Variants in PLEKHA4 observed in about 807,000 individuals in gnomAD.
The protein encoded by PLEKHA4 is pleckstrin homology domain-containing family A member 4.
In PLEKHA4, 73 loss-of-function variants were observed where a neutral mutation model predicts 94.7. The observed-to-expected ratio is 0.77, with a 90% CI of 0.64 to 0.94. The LOEUF is 0.94. PLEKHA4 is among the 40% of genes least tolerant of loss of function. The pLI is 0.00. For missense variants in PLEKHA4, 1,049 were observed against 1,054.1 expected, an observed-to-expected ratio of 1.00 and a Z score of 0.07; for synonymous variants, 449 against 437.1, an observed-to-expected ratio of 1.03 and a Z score of -0.34.
At chr19:48,860,302 A>T (rs748868912) in intron 6 of PLEKHA4, 48 bp downstream of exon 6, 10 of 1,506,042 alleles carry the variant, frequency 6.6e-6, no homozygotes, top group Non-Finnish European at 8.3e-6. Context: ...GGATGACGAG[A>T]CTGACTCAGG....
At chr19:48,849,629 A>T (rs1330769900) in intron 13 of PLEKHA4, among the ~76,000 whole-genome samples, 1 of 152,168 alleles carries the variant, frequency 6.6e-6, no homozygotes, top group African/African-American at 2.4e-5. Context: ...TTTTAAAGAT[A>T]CATGATTTAG....
intron 9 of PLEKHA4, among the ~76,000 whole-genome samples, chr19:48,856,472 C>G (rs2036413954): frequency 6.6e-6 from 1 of 151,828 alleles, no homozygotes; most frequent in African/African-American, 2.4e-5. Context: ...GTAATCCCAG[C>G]ACTTTGGGAG....
chr19:48,859,527 G>C lies in PLEKHA4; in HGVS notation c.634C>G (p.Pro212Ala). ...RGRGRPRLLT[P>A]SPTTDLHSGL... The stretch of plus-strand genomic sequence containing the variant: ...GAGTGGAGGTCGGTTGTGGGGCTGG[G>C]AGTGAGCAGCCTGGGTCTACCACGA... The change falls in exon 7 of 20, where the codon CCC (proline) becomes GCC (alanine). Residue 212 changes from proline (P) to alanine (A), a missense_variant. Coordinates refer to ENST00000263265, the MANE Select transcript of PLEKHA4 (RefSeq NM_020904.3). The C allele has an allele frequency of 1.2e-6, 2 of 1,614,038 alleles. No individual in the cohort carries two copies. The highest frequency in any genetic ancestry group is 1.7e-6 in the Non-Finnish European group (2 of 1,180,028).
intron 9 of PLEKHA4, 86 bp from the exon 10 acceptor site, chr19:48,854,350 T>A: frequency 9.1e-7 from 1 of 1,097,318 alleles, no homozygotes; most frequent in Non-Finnish European, 1.4e-6. Context: ...CTGTCTCTAC[T>A]GATAGGTACT....
chr19:48,839,361 C>T, intron 17 of PLEKHA4, 98 bp from the exon 18 acceptor site: 1 of 703,368 alleles, frequency 1.4e-6, no homozygotes, highest in East Asian at 2.8e-5. Flanking sequence ...AATGAAATTG[C>T]CCAAAAACAC....
chr19:48,852,079 T>C (rs2036214592), intron 13 of PLEKHA4, 149 bp downstream of exon 13: 1 of 600,734 alleles, frequency 1.7e-6, no homozygotes, highest in Non-Finnish European at 3.0e-6. Flanking sequence ...TTAACTAAAA[T>C]AAGGGGCTTA....
At chr19:48,861,591 C>G in intron 4 of PLEKHA4, 29 bp downstream of exon 4, 1 of 1,613,554 alleles carries the variant, frequency 6.2e-7, no homozygotes, top group Non-Finnish European at 8.5e-7. Context: ...GGGGCCCTCC[C>G]ACCCCAAGCC....
chr19:48,863,452 C>T (rs1164822914), intron 3 of PLEKHA4, among the ~76,000 whole-genome samples: 4 of 115,722 alleles, frequency 3.5e-5, no homozygotes, highest in East Asian at 4.3e-4. Flanking sequence ...TTTTTTGAGA[C>T]GGAGTCTTCG....
chr19:48,847,071 T>C (rs1179256187), intron 14 of PLEKHA4, among the ~76,000 whole-genome samples: 3 of 152,068 alleles, frequency 2.0e-5, no homozygotes, highest in Admixed American at 6.6e-5. Flanking sequence ...TTTTTGATAT[T>C]AGGATTGAGT....
intron 8 of PLEKHA4, 73 bp from the exon 9 acceptor site, chr19:48,857,569 A>C: frequency 2.3e-6 from 2 of 855,510 alleles, no homozygotes; most frequent in Non-Finnish European, 3.8e-6. Flanking sequence ...GTTCTGTACT[A>C]AGAAAAATTC....
intron 16 of PLEKHA4, 21 bp from the exon 17 acceptor site, chr19:48,841,331 C>A: frequency 6.3e-7 from 1 of 1,584,660 alleles, no homozygotes; most frequent in Non-Finnish European, 8.6e-7. Flanking sequence ...GAGAAACGTC[C>A]CAAGACCCAA....
At chr19:48,857,916 A>T (rs191574410) in intron 8 of PLEKHA4, among the ~76,000 whole-genome samples, 3 of 151,564 alleles carry the variant, frequency 2.0e-5, no homozygotes, top group South Asian at 4.2e-4. Flanking sequence ...ATCAATAAAA[A>T]AATAATAATA....
chr19:48,852,457 C>A (rs1331954658), intron 12 of PLEKHA4, 131 bp from the exon 13 acceptor site: 3 of 664,372 alleles, frequency 4.5e-6, no homozygotes, highest in Non-Finnish European at 7.9e-6. Context: ...GTATGGACTA[C>A]AATTCCCATG....
rs1334736054 is a variant in PLEKHA4, at chr19:48,838,077, C to G, written c.2017G>C (p.Val673Leu). 6.2e-7 allele frequency: 1 copy of G among 1,613,582 alleles called. No homozygotes were observed. Among genetic ancestry groups the G allele is most frequent in the East Asian group, 2.2e-5 (1 of 44,836 alleles). The change falls in exon 19 of 20, where the codon GTT (valine) becomes CTT (leucine). Residue 673 changes from valine (V) to leucine (L), a missense_variant. By Grantham distance (32) the Val-to-Leu change is conservative. Transcript: ENST00000263265. ...LPTSEGHRER[V>L]LSLSQALATE... is the part of the protein sequence containing the mutation. ...GCCAGGGCTTGGGAGAGGCTGAGAA[C>G]CCGCTCCCGGTGACCTTCGGAAGTC...
At chr19:48,858,640 A>AAAAAAAAAAAAAAAAAAAAAAAAAAC (rs2036516145) in intron 8 of PLEKHA4, among the ~76,000 whole-genome samples, 2 of 150,700 alleles carry the variant, frequency 1.3e-5, no homozygotes, top group African/African-American at 4.9e-5. Context: ...AAAAAAAAAA[A>AAAAAAAAAAAAAAAAAAAAAAAAAAC]AAAAGCAATG....
chr19:48,860,874 AAAAGGAAAGGAAAGGAAAGGAAAATGG>A (rs1347174675), intron 5 of PLEKHA4, among the ~76,000 whole-genome samples: 2 of 149,178 alleles, frequency 1.3e-5, no homozygotes, highest in African/African-American at 2.4e-5. Flanking sequence ...AAGGAAAGGA[AAAAGGAAAGGAAAGGAAAGGAAAATGG>A]AAAGGAAAGG....
intron 12 of PLEKHA4, among the ~76,000 whole-genome samples, chr19:48,853,232 T>C (rs577560733): frequency 6.6e-6 from 1 of 152,222 alleles, no homozygotes; most frequent in East Asian, 1.9e-4. Flanking sequence ...CATATAATAA[T>C]TCTCAGAGTT....
Position 48,852,272 on chromosome 19 carries a change from A to C in PLEKHA4, c.1381T>G (p.Leu461Val), listed in dbSNP as rs1568543533. The C allele has an allele frequency of 1.2e-6, 2 of 1,613,972 alleles. No individual in the cohort carries two copies. The highest frequency in any genetic ancestry group is 1.7e-5 in the Admixed American group (1 of 59,956). ...YSGLEQELGTLRETLEYLLHL... is the reference protein window; with the variant it reads ...YSGLEQELGTVRETLEYLLHL... ...AGCAGGTACTCCAGCGTCTCTCTTA[A>C]GGTGCCCAGCTCCTGCTCCAGGCCA... Residue 461 changes from leucine to valine, a missense_variant, in exon 13 of 20, where the codon TTA becomes GTA. Physicochemically the swap from Leu to Val is conservative, Grantham distance 32. Coordinates refer to ENST00000263265, the MANE Select transcript of PLEKHA4 (RefSeq NM_020904.3).
rs749887839 is a variant in PLEKHA4, at chr19:48,837,358, G to A, written c.2271C>T (p.Ala757=). 3 of 1,613,668 alleles carry A rather than the reference G, an allele frequency of 1.9e-6. No homozygotes were observed. The highest frequency in any genetic ancestry group is 8.5e-7 in the Non-Finnish European group (1 of 1,180,012). Reference sequence around the variant, plus strand: ...CCTCGTCTTGTGGCAGGACCGGAGGGGCGATCCCGGCATCCCACGCGGGCC... The same window carrying A: ...CCTCGTCTTGTGGCAGGACCGGAGGAGCGATCCCGGCATCCCACGCGGGCC... ...PWGPAWDAGI[A]PPVLPQDEGA... Residue 757 remains alanine (A), a synonymous_variant, in exon 20 of 20, where the codon GCC becomes GCT. Coordinates refer to ENST00000263265, the MANE Select transcript of PLEKHA4 (RefSeq NM_020904.3). This position sits in a 1 kb window ranked among gnomAD's most constrained non-coding sequence, Gnocchi z 4.3.
Sources: gnomAD v4.1 joint callset for allele counts (sites outside exome capture counted in the v4.1 genomes callset) on GRCh38, gnomAD v4.1.1 for gene constraint, Gnocchi (gnomAD v3.1) non-coding constraint, MANE v1.5 for transcripts, NCBI Gene and HGNC (gene_info 2026-07-23, HGNC 2026-07-21) for gene names.